The following B9D1 variants were observed in gnomAD, a reference collection of about 807,000 sequenced individuals.
B9D1 encodes the protein B9 domain-containing protein 1.
A neutral mutation model predicts 26.1 loss-of-function variants in B9D1; 20 were observed. The ratio of observed to expected loss-of-function variants is 0.77; its 90% CI spans 0.54 to 1.12. The LOEUF is 1.12. Among genes scored for constraint, B9D1 ranks in the 50% most tolerant of loss-of-function variants. B9D1 has a pLI of 0.00. For missense variants in B9D1, 260 were observed against 273.7 expected, an observed-to-expected ratio of 0.95 and a Z score of 0.35; for synonymous variants, 105 against 103.1, an observed-to-expected ratio of 1.02 and a Z score of -0.11.
chr17:19,371,871 T>C (rs917147710), intron 1 of B9D1, among the ~76,000 whole-genome samples: 1 of 152,186 alleles, frequency 6.6e-6, no homozygotes, highest in Non-Finnish European at 1.5e-5. Context: ...GTGTGGGTTG[T>C]GGTTTGGCCA....
downstream of B9D1, among the ~76,000 whole-genome samples, chr17:19,342,632 C>T (rs563395314): frequency 1.3e-5 from 2 of 152,260 alleles, no homozygotes; most frequent in East Asian, 1.9e-4. Context: ...CCTCAGAGGT[C>T]AGGGTGTTGA....
chr17:19,356,483 C>T (rs2152272489), intron 3 of B9D1, among the ~76,000 whole-genome samples: 1 of 152,330 alleles, frequency 6.6e-6, no homozygotes, highest in East Asian at 1.9e-4. Flanking sequence ...TCATCAGGGG[C>T]TGAGCTGAAA....
chr17:19,377,685 G>C, intron 1 of B9D1: 1 of 237,432 alleles, frequency 4.2e-6, no homozygotes, highest in East Asian at 1.8e-4. Flanking sequence ...CTACATGAAT[G>C]AACGAATAAA....
intron 3 of B9D1, among the ~76,000 whole-genome samples, chr17:19,352,522 T>TTTC (rs1909758625): frequency 6.8e-6 from 1 of 146,448 alleles, no homozygotes; most frequent in East Asian, 2.1e-4. Context: ...TAATTTTTTT[T>TTTC]TTTTTTTTTT....
intron 5 of B9D1, chr17:19,344,558 C>T (rs767956387): frequency 2.0e-5 from 5 of 245,858 alleles, no homozygotes; most frequent in East Asian, 1.8e-4. Context: ...TATTCCCGGC[C>T]GGGTGGGTCC....
chr17:19,357,992 GC>G, intron 2 of B9D1, 41 bp from the exon 3 acceptor site: 1 of 1,509,848 alleles, frequency 6.6e-7, no homozygotes, highest in Non-Finnish European at 9.2e-7. Context: ...TCAGAGCAGA[GC>G]CAAGCTGCTG....
At chr17:19,377,805 T>C (rs1912222732) in intron 1 of B9D1, 1 of 982,204 alleles carries the variant, frequency 1.0e-6, no homozygotes, top group Non-Finnish European at 1.2e-6. Context: ...TTAACTCCGC[T>C]GCAGCCCAAA....
chr17:19,377,641 G>A (rs1912205316), intron 1 of B9D1: 1 of 168,018 alleles, frequency 6.0e-6, no homozygotes, highest in African/African-American at 2.4e-5. Flanking sequence ...TCCCGGCACT[G>A]AGCCTTAGAG....
At chr17:19,343,033 C>T (rs1407959212), downstream of B9D1, 9 of 1,290,192 alleles carry the variant, frequency 7.0e-6, 1 homozygote, top group South Asian at 3.6e-5. Context: ...TCCTGCTGCA[C>T]GGTCTGGTCT....
intron 1 of B9D1, among the ~76,000 whole-genome samples, chr17:19,368,940 C>G (rs949753988): frequency 3.9e-5 from 6 of 152,112 alleles, no homozygotes; most frequent in Non-Finnish European, 7.3e-5. Flanking sequence ...AAAAACAAAC[C>G]CAGAACCATG....
intron 3 of B9D1, among the ~76,000 whole-genome samples, chr17:19,350,111 CA>C (rs891254068): frequency 1.2e-3 from 162 of 138,262 alleles, no homozygotes; most frequent in Middle Eastern, 3.8e-3. Context: ...AATTCTGTCT[CA>C]AAAAAAAAAA....
At chr17:19,349,976 C>T (rs1909369198) in intron 3 of B9D1, among the ~76,000 whole-genome samples, 1 of 152,194 alleles carries the variant, frequency 6.6e-6, no homozygotes, top group Non-Finnish European at 1.5e-5. Context: ...AAAGACCAGG[C>T]TGGCGGGCGC....
rs1598044862 is a variant in B9D1 at position 19,343,288 on chromosome 17, A to C, written c.*31T>G. On this transcript the variant is annotated 3_prime_UTR_variant, in exon 7 of 7. Coordinates refer to ENST00000261499, the MANE Select transcript of B9D1 (RefSeq NM_015681.6). ...GCTGACTTCGGGAAGGCAGCCCTTC[A>C]TTATCAGAGACTGTGCAGCCTGTGG... The C allele has an allele frequency of 1.2e-6, 2 of 1,613,802 alleles. No individual in the cohort carries two copies. Among genetic ancestry groups the C allele is most frequent in the Non-Finnish European group, 1.7e-6 (2 of 1,179,934 alleles).
chr17:19,354,253 G>A (rs1910036774), intron 3 of B9D1, among the ~76,000 whole-genome samples: 2 of 152,094 alleles, frequency 1.3e-5, no homozygotes, highest in South Asian at 2.1e-4. Context: ...ATGTACTGGC[G>A]CTGACTCACT....
intron 1 of B9D1, among the ~76,000 whole-genome samples, chr17:19,374,956 C>T (rs1303147203): frequency 6.6e-6 from 1 of 152,084 alleles, no homozygotes; most frequent in African/African-American, 2.4e-5. Context: ...ATATAAAGAA[C>T]TCTGACAGCT....
chr17:19,347,701 A>C lies in B9D1; in HGVS notation c.341+83T>G. On this transcript the variant is annotated intron_variant, in intron 4 of 6. Transcript: ENST00000261499. The surrounding 1 kb of genome is among the most constrained non-coding windows in gnomAD (Gnocchi z 4.3). ...CCCCTGGAGACCCCAGAGCATTCCCAGCCTGAACCTAAGACAGAAAACGAG... is the reference window on the plus strand; with the variant it reads ...CCCCTGGAGACCCCAGAGCATTCCCCGCCTGAACCTAAGACAGAAAACGAG... The C allele has an allele frequency of 7.2e-7, 1 of 1,394,246 alleles. No individual in the cohort carries two copies. The highest frequency in any genetic ancestry group is 1.0e-6 in the Non-Finnish European group (1 of 998,638). 86.4% of individuals were successfully genotyped at this position (1,394,246 alleles called of 1,614,324 possible). A position where few individuals can be genotyped will look rare whatever the true frequency, so the allele number is the denominator to read the frequency against.
At chr17:19,362,409 C>T (rs1319696787) in intron 1 of B9D1, 98 bp downstream of exon 1, 8 of 848,234 alleles carry the variant, frequency 9.4e-6, no homozygotes, top group Non-Finnish European at 1.4e-5. Context: ...AGAGGAATGA[C>T]GTGGCTCTCC....
chr17:19,347,451 G>T lies in B9D1; in HGVS notation c.342-120C>A. The T allele has an allele frequency of 8.3e-7, 1 of 1,209,116 alleles. No homozygotes were observed. The highest frequency in any genetic ancestry group is 1.2e-6 in the Non-Finnish European group (1 of 828,748). 74.9% of individuals were successfully genotyped at this position (1,209,116 alleles called of 1,614,324 possible). A position where few individuals can be genotyped will look rare whatever the true frequency, so the allele number is the denominator to read the frequency against. ...CAGCGTGGGCCAAGTCAGGGCCAAT[G>T]TCAACGAATCCAACCTGTGCTAACT... On this transcript the variant is annotated intron_variant, in intron 4 of 6. Coordinates refer to ENST00000261499, the MANE Select transcript of B9D1 (RefSeq NM_015681.6). This position sits in a 1 kb window ranked among gnomAD's most constrained non-coding sequence, Gnocchi z 4.3.
At chr17:19,362,780 C>G, upstream of B9D1, 1 of 1,424,672 alleles carries the variant, frequency 7.0e-7, no homozygotes, top group South Asian at 1.2e-5. Context: ...GGCGGGGATC[C>G]ACGCCGAGGC....
Sources: gnomAD v4.1 joint callset for allele counts (sites outside exome capture counted in the v4.1 genomes callset) on GRCh38, gnomAD v4.1.1 for gene constraint, Gnocchi (gnomAD v3.1) non-coding constraint, MANE v1.5 for transcripts, NCBI Gene and HGNC (gene_info 2026-07-23, HGNC 2026-07-21) for gene names.